The following ADCY2 variants were observed in gnomAD, a reference collection of about 807,000 sequenced individuals.
The protein encoded by ADCY2 is adenylate cyclase type 2.
A neutral mutation model predicts 125.2 loss-of-function variants in ADCY2; 31 were observed. The ratio of observed to expected loss-of-function variants is 0.25; its 90% CI spans 0.19 to 0.33. ADCY2 has a LOEUF of 0.33. Among genes scored for constraint, ADCY2 ranks in the 10% least tolerant of loss-of-function variants. The pLI is 1.00. For synonymous variants in ADCY2, 512 were observed against 548.4 expected (o/e 0.93, Z 0.93); for missense variants, 904 against 1,418.2 (o/e 0.64, Z 5.82).
intron 2 of ADCY2, among the ~76,000 whole-genome samples, chr5:7,427,640 C>T (rs1226812851): frequency 6.6e-6 from 1 of 152,142 alleles, no homozygotes; most frequent in Non-Finnish European, 1.5e-5. Context: ...CACCACCCCA[C>T]AACAGTATGA....
At chr5:7,728,189 C>T (rs13356716) in intron 14 of ADCY2, among the ~76,000 whole-genome samples, 49,870 of 152,028 alleles carry the variant, frequency 0.33, 9,979 homozygotes, top group Non-Finnish European at 0.45. Context: ...ACTCAAACTG[C>T]TTAGATTGAG....
Position 7,743,860 on chromosome 5 carries a change from A to G in ADCY2, c.1956+108A>G, listed in dbSNP as rs188413577. 3 of 994,882 alleles carry G rather than the reference A, an allele frequency of 3.0e-6. No individual in the cohort carries two copies. In the East Asian group the frequency reaches 7.3e-5, roughly 24 times the overall value. The allele number at this position is 994,882 out of a possible 1,614,324, so 61.6% of individuals were successfully genotyped here. On this transcript the variant is annotated intron_variant, in intron 15 of 24. Coordinates refer to ENST00000338316, the MANE Select transcript of ADCY2 (RefSeq NM_020546.3). ...AGGAGCTTATTGCTTTACCACTTCAAGAACTCCAGATCCCAGTTAAGGAAA... is the reference window on the plus strand; with the variant it reads ...AGGAGCTTATTGCTTTACCACTTCAGGAACTCCAGATCCCAGTTAAGGAAA...
At chr5:7,754,863 A>G (rs1201615997) in intron 15 of ADCY2, among the ~76,000 whole-genome samples, 1 of 146,940 alleles carries the variant, frequency 6.8e-6, no homozygotes, top group Non-Finnish European at 1.5e-5. Flanking sequence ...CCGTCTCAGG[A>G]AAAAAAAAAA....
intron 6 of ADCY2, 137 bp from the exon 7 acceptor site, chr5:7,698,110 G>C: frequency 1.0e-6 from 1 of 1,002,862 alleles, no homozygotes; most frequent in South Asian, 1.6e-5. Context: ...ATGAAGGGAA[G>C]CCCAACTGGT....
chr5:7,789,176 T>TGTTAGGG (rs1744175578), intron 19 of ADCY2, among the ~76,000 whole-genome samples: 1 of 152,212 alleles, frequency 6.6e-6, no homozygotes, highest in East Asian at 1.9e-4. Flanking sequence ...TACATAATTA[T>TGTTAGGG]ACAATTTGTG....
chr5:7,575,807 A>T (rs1736228482), intron 3 of ADCY2, among the ~76,000 whole-genome samples: 1 of 152,216 alleles, frequency 6.6e-6, no homozygotes, highest in Admixed American at 6.5e-5. Flanking sequence ...CCAATGCTAA[A>T]AAAAACCCCT....
intron 2 of ADCY2, among the ~76,000 whole-genome samples, chr5:7,493,289 G>A (rs989738062): frequency 1.3e-5 from 2 of 152,134 alleles, no homozygotes; most frequent in Non-Finnish European, 2.9e-5. Flanking sequence ...CTTCCAAAAG[G>A]TTCTCAGCAG....
chr5:7,677,822 C>A (rs1579306492), intron 4 of ADCY2, among the ~76,000 whole-genome samples: 1 of 152,298 alleles, frequency 6.6e-6, no homozygotes, highest in Non-Finnish European at 1.5e-5. Context: ...TGTTTTGCAG[C>A]AATAGATGAT....
At chr5:7,500,575 A>G (rs1179970001) in intron 2 of ADCY2, among the ~76,000 whole-genome samples, 1 of 152,192 alleles carries the variant, frequency 6.6e-6, no homozygotes, top group Non-Finnish European at 1.5e-5. Context: ...AAATCCCAGT[A>G]AAATCAGGAG....
chr5:7,720,307 T>C (rs1271079028), intron 12 of ADCY2, among the ~76,000 whole-genome samples: 1 of 152,212 alleles, frequency 6.6e-6, no homozygotes, highest in East Asian at 1.9e-4. Flanking sequence ...TTGTTTTCTA[T>C]AAGTCAAAAT....
chr5:7,623,368 C>T (rs1332576900), intron 3 of ADCY2, among the ~76,000 whole-genome samples: 1 of 152,196 alleles, frequency 6.6e-6, no homozygotes, highest in Non-Finnish European at 1.5e-5. Flanking sequence ...TGGCTTCTCT[C>T]ATTTCCTGCA....
At position 7,773,104 on chromosome 5, in the gene ADCY2, G is replaced by A. The variant is rs201241475; in HGVS notation, c.2384+3G>A. 18 of 1,613,440 alleles carry A rather than the reference G, an allele frequency of 1.1e-5. No individual in the cohort carries two copies. Among genetic ancestry groups the A allele is most frequent in the Non-Finnish European group, 1.5e-5 (18 of 1,179,720 alleles). ...TACAGCCAGGTCTTATTTGAGAGGT[G>A]AGCCACGGCCTCTTCCTTCTCTTAC... is the stretch of plus-strand genomic sequence containing the variant. On this transcript the variant is annotated splice_donor_region_variant and intron_variant, in intron 18 of 24. Coordinates refer to ENST00000338316, the MANE Select transcript of ADCY2 (RefSeq NM_020546.3).
At chr5:7,809,543 G>A (rs1744866507) in intron 22 of ADCY2, among the ~76,000 whole-genome samples, 1 of 152,106 alleles carries the variant, frequency 6.6e-6, no homozygotes, top group South Asian at 2.1e-4. Context: ...CTTTAGTCTG[G>A]CAACAAAAGA....
At chr5:7,441,418 T>G (rs1017578202) in intron 2 of ADCY2, among the ~76,000 whole-genome samples, 2 of 143,538 alleles carry the variant, frequency 1.4e-5, no homozygotes, top group African/African-American at 2.8e-5. Context: ...ATTTTTAGTG[T>G]TTTTTTTTTA....
At chr5:7,815,963 G>C (rs1378818493) in intron 22 of ADCY2, among the ~76,000 whole-genome samples, 1 of 152,162 alleles carries the variant, frequency 6.6e-6, no homozygotes, top group Non-Finnish European at 1.5e-5. Flanking sequence ...CCCCTGTCGG[G>C]CCTCTTTCCT....
chr5:7,702,388 C>A (rs761258433), intron 7 of ADCY2, among the ~76,000 whole-genome samples: 1 of 151,904 alleles, frequency 6.6e-6, no homozygotes, highest in Non-Finnish European at 1.5e-5. Context: ...CTCCTCCCAC[C>A]CCACGACAGG....
At chr5:7,712,370 G>C (rs13174121) in intron 10 of ADCY2, among the ~76,000 whole-genome samples, 68,415 of 152,078 alleles carry the variant, frequency 0.45, 16,526 homozygotes, top group East Asian at 0.95. Flanking sequence ...CCAATGGTTT[G>C]TGATTTCACA....
chr5:7,507,419 C>A (rs1167211378), intron 2 of ADCY2, among the ~76,000 whole-genome samples: 2 of 104,248 alleles, frequency 1.9e-5, no homozygotes, highest in East Asian at 2.4e-4. Context: ...CCAGCCTGGG[C>A]GACAGAGCGA....
At chr5:7,820,923 G>A (rs903574176) in intron 24 of ADCY2, among the ~76,000 whole-genome samples, 1 of 152,184 alleles carries the variant, frequency 6.6e-6, no homozygotes, top group East Asian at 1.9e-4. Context: ...GAAAACAAAT[G>A]ATCCAGCAGC....
Sources: gnomAD v4.1 joint callset for allele counts (sites outside exome capture counted in the v4.1 genomes callset) on GRCh38, gnomAD v4.1.1 for gene constraint, MANE v1.5 for transcripts, NCBI Gene and HGNC (gene_info 2026-07-23, HGNC 2026-07-21) for gene names.